Variants in NELL1 observed in about 807,000 individuals in gnomAD.
NELL1 encodes neural EGFL like 1.
A neutral mutation model predicts 107.4 loss-of-function variants in NELL1; 76 were observed. The ratio of observed to expected loss-of-function variants is 0.71; its 90% confidence interval spans 0.59 to 0.86. The LOEUF (loss-of-function observed/expected upper bound fraction) is 0.86, where lower values mean the gene tolerates loss of function less well. Among genes scored for constraint, NELL1 ranks in the 40% least tolerant of loss-of-function variants. NELL1 has a pLI of 0.00. For synonymous variants in NELL1, 353 were observed against 341.2 expected, an observed-to-expected ratio of 1.03 and a Z score of -0.38; for missense variants, 1,024 against 1,005.5, an observed-to-expected ratio of 1.02 and a Z score of -0.25.
intron 15 of NELL1, among the ~76,000 whole-genome samples, chr11:21,375,962 C>T (rs1851465946): frequency 6.6e-6 from 1 of 151,892 alleles, no homozygotes; most frequent in Non-Finnish European, 1.5e-5. Context: ...TTGTTGGAAG[C>T]ATAGTTTGTG....
At chr11:21,426,335 C>A (rs1852821648) in intron 15 of NELL1, among the ~76,000 whole-genome samples, 1 of 152,132 alleles carries the variant, frequency 6.6e-6, no homozygotes, top group Non-Finnish European at 1.5e-5. Flanking sequence ...GACCCTGATA[C>A]AATACTTGAC....
intron 15 of NELL1, among the ~76,000 whole-genome samples, chr11:21,385,156 A>G (rs1365583296): frequency 6.6e-6 from 1 of 151,728 alleles, no homozygotes; most frequent in Non-Finnish European, 1.5e-5. Flanking sequence ...CGGAGCCTTT[A>G]TCACTCTCTG....
chr11:21,554,039 A>T (rs975512443), intron 16 of NELL1, among the ~76,000 whole-genome samples: 1 of 151,834 alleles, frequency 6.6e-6, no homozygotes, highest in East Asian at 1.9e-4. Context: ...GGTTGTTGAC[A>T]TCAATACTGT....
intron 2 of NELL1, among the ~76,000 whole-genome samples, chr11:20,728,598 T>A (rs1173109864): frequency 6.6e-6 from 1 of 152,082 alleles, no homozygotes; most frequent in Non-Finnish European, 1.5e-5. Flanking sequence ...TTTTTTCAAC[T>A]TTGTTAATAA....
At chr11:20,878,696 CTCAG>C (rs1849353337) in intron 4 of NELL1, among the ~76,000 whole-genome samples, 1 of 152,174 alleles carries the variant, frequency 6.6e-6, no homozygotes, top group Non-Finnish European at 1.5e-5. Flanking sequence ...GACTATTTTT[CTCAG>C]TCAGGATTAT....
At chr11:21,344,479 C>T (rs1176442044) in intron 14 of NELL1, among the ~76,000 whole-genome samples, 1 of 152,100 alleles carries the variant, frequency 6.6e-6, no homozygotes, top group Non-Finnish European at 1.5e-5. Context: ...AGCTGAATAA[C>T]ATTCAGCTGT....
At chr11:21,542,116 A>C (rs938939509) in intron 16 of NELL1, among the ~76,000 whole-genome samples, 2 of 152,086 alleles carry the variant, frequency 1.3e-5, no homozygotes, top group Non-Finnish European at 2.9e-5. Flanking sequence ...TAGACACAGA[A>C]CCAGGAAATT....
intron 13 of NELL1, among the ~76,000 whole-genome samples, chr11:21,171,193 G>A (rs117907588): frequency 6.6e-6 from 1 of 151,276 alleles, no homozygotes; most frequent in East Asian, 1.9e-4. Context: ...ATCAGTTCCT[G>A]TAGAACTCCT....
chr11:20,681,794 CATT>C (rs1854195748), intron 2 of NELL1, among the ~76,000 whole-genome samples: 1 of 152,038 alleles, frequency 6.6e-6, no homozygotes, highest in African/African-American at 2.4e-5. Flanking sequence ...ACTGAATATT[CATT>C]CAGTTCATTG....
At chr11:20,765,338 A>G (rs1378679710) in intron 2 of NELL1, among the ~76,000 whole-genome samples, 1 of 152,220 alleles carries the variant, frequency 6.6e-6, no homozygotes, top group Non-Finnish European at 1.5e-5. Flanking sequence ...ATGGATTACC[A>G]GTCATCCATC....
chr11:20,711,005 T>G (rs1237713175), intron 2 of NELL1, among the ~76,000 whole-genome samples: 1 of 152,144 alleles, frequency 6.6e-6, no homozygotes, highest in Non-Finnish European at 1.5e-5. Context: ...TTTTTTGTAT[T>G]TTTTTGTTTC....
chr11:20,950,513 G>A (rs950268816), intron 11 of NELL1, among the ~76,000 whole-genome samples: 2 of 152,106 alleles, frequency 1.3e-5, no homozygotes, highest in East Asian at 1.9e-4. Context: ...ATTTCTGAGT[G>A]GACTCACAGG....
rs541132474 is a variant in NELL1 at position 20,860,824 on chromosome 11, G to A, written c.506+13071G>A. ...GGAGCTCTGGCAGGCATGAAGGAGT[G>A]GAGGAGAAGGTGATTTACAGATAGA... On this transcript the variant is annotated intron_variant, in intron 4 of 19. Coordinates refer to ENST00000357134, the MANE Select transcript of NELL1 (RefSeq NM_006157.5). 5.9e-5 allele frequency among the ~76,000 whole-genome samples: 9 copies of A among 152,244 alleles called. No homozygotes were observed. In the East Asian group the frequency reaches 1.7e-3, roughly 29 times the overall value.
chr11:21,206,981 A>C (rs962052059), intron 13 of NELL1, among the ~76,000 whole-genome samples: 1 of 152,208 alleles, frequency 6.6e-6, no homozygotes, highest in Non-Finnish European at 1.5e-5. Flanking sequence ...CACTGTGGGG[A>C]TGCCTACGTG....
intron 14 of NELL1, among the ~76,000 whole-genome samples, chr11:21,353,322 C>T (rs1850859115): frequency 6.6e-6 from 1 of 152,156 alleles, no homozygotes; most frequent in African/African-American, 2.4e-5. Flanking sequence ...TTTCCCTTGT[C>T]ATTTAAACTT....
At chr11:20,808,723 G>C (rs1857437573) in intron 3 of NELL1, among the ~76,000 whole-genome samples, 1 of 152,228 alleles carries the variant, frequency 6.6e-6, no homozygotes, top group Non-Finnish European at 1.5e-5. Flanking sequence ...TCTAGCTAGA[G>C]CTTGACTAAA....
At chr11:21,509,711 A>C (rs188029246) in intron 15 of NELL1, among the ~76,000 whole-genome samples, 59 of 152,306 alleles carry the variant, frequency 3.9e-4, no homozygotes, top group Non-Finnish European at 1.3e-4. Flanking sequence ...AATTCTAGGA[A>C]GATGTCATCA....
At chr11:20,994,327 C>T (rs567608940) in intron 12 of NELL1, among the ~76,000 whole-genome samples, 4 of 152,196 alleles carry the variant, frequency 2.6e-5, no homozygotes, top group East Asian at 3.9e-4. Context: ...GTCAAAGCTG[C>T]GGTAAAAGAA....
chr11:21,276,076 A>G (rs189832670), intron 14 of NELL1, among the ~76,000 whole-genome samples: 6,617 of 152,256 alleles, frequency 0.043, 181 homozygotes, highest in Admixed American at 0.07. Flanking sequence ...GAAGGAAATA[A>G]AGGGTATTCA....
Sources: gnomAD v4.1 joint callset for allele counts (sites outside exome capture counted in the v4.1 genomes callset) on GRCh38, gnomAD v4.1.1 for gene constraint, MANE v1.5 for transcripts, NCBI Gene and HGNC (gene_info 2026-07-23, HGNC 2026-07-21) for gene names.